The following BFAR variants were observed in gnomAD, a reference collection of about 807,000 sequenced individuals.
The protein encoded by BFAR is bifunctional apoptosis regulator.
A neutral mutation model predicts 54.4 loss-of-function variants in BFAR; 52 were observed. That is an observed-to-expected ratio of 0.96 (90% CI 0.77 to 1.21). BFAR has a LOEUF of 1.21. Ranked by LOEUF, BFAR falls within the 50% of genes most tolerant of loss-of-function variation. The pLI is 0.00. For synonymous variants in BFAR, 215 were observed against 204.3 expected (o/e 1.05, Z -0.45); for missense variants, 571 against 534.0 (o/e 1.07, Z -0.68).
chr16:14,644,974 A>G (rs910880480), intron 2 of BFAR, among the ~76,000 whole-genome samples: 8 of 152,156 alleles, frequency 5.3e-5, no homozygotes, highest in Non-Finnish European at 7.3e-5. Context: ...TTTATTATGA[A>G]TGAAGGAAAG....
intron 1 of BFAR, among the ~76,000 whole-genome samples, chr16:14,643,476 A>G (rs1319660066): frequency 6.6e-6 from 1 of 152,234 alleles, no homozygotes; most frequent in Admixed American, 6.5e-5. Context: ...TGAAAAGTAT[A>G]ACAAATAGGC....
intron 2 of BFAR, among the ~76,000 whole-genome samples, chr16:14,645,248 G>A (rs1596972695): frequency 6.6e-6 from 1 of 151,948 alleles, no homozygotes; most frequent in African/African-American, 2.4e-5. Flanking sequence ...CTGGGAGGTC[G>A]AGGCTGCAAT....
chr16:14,637,721 C>T (rs769531787), intron 1 of BFAR, among the ~76,000 whole-genome samples: 6 of 151,608 alleles, frequency 4.0e-5, no homozygotes, highest in Admixed American at 2.0e-4. Context: ...CCCAGCTACT[C>T]GGGAGGCTGA....
intron 1 of BFAR, among the ~76,000 whole-genome samples, chr16:14,642,047 G>A (rs1215340896): frequency 1.3e-5 from 2 of 152,110 alleles, no homozygotes; most frequent in Non-Finnish European, 2.9e-5. Context: ...CTGGTAAATG[G>A]CAGAGGTGGG....
chr16:14,657,596 G>A (rs1960165914), intron 5 of BFAR, among the ~76,000 whole-genome samples: 1 of 151,684 alleles, frequency 6.6e-6, no homozygotes, highest in Non-Finnish European at 1.5e-5. Context: ...AGACTGGAGT[G>A]CAGTGGTGCG....
intron 1 of BFAR, among the ~76,000 whole-genome samples, chr16:14,639,193 G>A (rs77004428): frequency 6.6e-6 from 1 of 152,094 alleles, no homozygotes; most frequent in African/African-American, 2.4e-5. Flanking sequence ...TGCCCAGGCT[G>A]GCAGGCTGGT....
chr16:14,654,957 A>C, intron 4 of BFAR, 109 bp from the exon 5 acceptor site: 1 of 1,175,754 alleles, frequency 8.5e-7, no homozygotes, highest in Non-Finnish European at 1.2e-6. Flanking sequence ...GAAATGTCTC[A>C]CCATACCTCA....
At chr16:14,638,477 A>G (rs1048412382) in intron 1 of BFAR, among the ~76,000 whole-genome samples, 1 of 152,254 alleles carries the variant, frequency 6.6e-6, no homozygotes, top group African/African-American at 2.4e-5. Flanking sequence ...TTAGCCATAT[A>G]CAATGGTCAT....
intron 5 of BFAR, among the ~76,000 whole-genome samples, chr16:14,661,481 A>C (rs1235121165): frequency 7.4e-6 from 1 of 134,304 alleles, no homozygotes; most frequent in Non-Finnish European, 1.5e-5. Flanking sequence ...GGCACACTGC[A>C]ACCTCCACCT....
At chr16:14,653,923 A>T (rs964073221) in intron 4 of BFAR, among the ~76,000 whole-genome samples, 1 of 150,550 alleles carries the variant, frequency 6.6e-6, no homozygotes, top group African/African-American at 2.4e-5. Flanking sequence ...CTGGTCTCAA[A>T]CTCCTGGGCT....
chr16:14,643,628 G>A (rs1049678475), intron 1 of BFAR, among the ~76,000 whole-genome samples: 8 of 152,130 alleles, frequency 5.3e-5, no homozygotes, highest in South Asian at 4.1e-4. Flanking sequence ...AAATTACCCG[G>A]GCATAGTAGT....
At chr16:14,635,560 C>T (rs1019531911) in intron 1 of BFAR, among the ~76,000 whole-genome samples, 1 of 152,110 alleles carries the variant, frequency 6.6e-6, no homozygotes, top group African/African-American at 2.4e-5. Context: ...CCAGGATAGC[C>T]TTCTCAGCCC....
At chr16:14,655,313 T>G in intron 5 of BFAR, 103 bp downstream of exon 5, 2 of 949,060 alleles carry the variant, frequency 2.1e-6, no homozygotes, top group Non-Finnish European at 2.8e-6. Context: ...ACAGTTTATG[T>G]ACTTATTTAT....
chr16:14,651,613 G>A (rs1219849856), intron 4 of BFAR, among the ~76,000 whole-genome samples: 2 of 152,104 alleles, frequency 1.3e-5, no homozygotes, highest in Non-Finnish European at 2.9e-5. Flanking sequence ...CCAAGTAGCT[G>A]GGACTGCAGG....
At chr16:14,657,006 G>A (rs561349177) in intron 5 of BFAR, among the ~76,000 whole-genome samples, 143 of 151,758 alleles carry the variant, frequency 9.4e-4, no homozygotes, top group African/African-American at 3.2e-3. Context: ...AGGAGGCTAC[G>A]GCAGGAGAAT....
In BFAR at chr16:14,644,424, G is replaced by A; in HGVS notation, c.78G>A (p.Gln26=). Reference sequence around the variant, plus strand: ...AACCTCTCAAAAGCACCGGCCCTCAGATTTCTGTTAGTGAATTTTCTTGCC... The same window carrying A: ...AACCTCTCAAAAGCACCGGCCCTCAAATTTCTGTTAGTGAATTTTCTTGCC... The part of the protein sequence containing the change: ...RDEPLKSTGP[Q]ISVSEFSCHC... Residue 26 remains glutamine, a synonymous_variant, in exon 2 of 8, where the codon CAG becomes CAA. Coordinates refer to ENST00000261658, the MANE Select transcript of BFAR (RefSeq NM_016561.3). 6.2e-7 allele frequency: 1 copy of A among 1,613,950 alleles called. No homozygotes were observed. The highest frequency in any genetic ancestry group is 1.3e-5 in the African/African-American group (1 of 74,986).
chr16:14,651,808 G>GA (rs1308505070), intron 4 of BFAR, among the ~76,000 whole-genome samples: 4 of 150,436 alleles, frequency 2.7e-5, no homozygotes, highest in Non-Finnish European at 1.5e-5. Context: ...CCCACAATCA[G>GA]AAAGGTAGGA....
In BFAR at chr16:14,651,123, G is replaced by GAT. The variant is rs141310168; in HGVS notation, c.638+1152_638+1153dup. On this transcript the variant is annotated intron_variant, in intron 4 of 7. Transcript: ENST00000261658. Reference sequence around the variant, plus strand: ...TCAGTTCCCACACTGTCTACCCAGAGATAGTGTGAGATCCCACAGGGTGAG... The same window carrying GAT: ...TCAGTTCCCACACTGTCTACCCAGAGATATAGTGTGAGATCCCACAGGGTGAG... Among the ~76,000 whole-genome samples the GAT allele has an allele frequency of 9.9e-5, 15 of 152,264 alleles. No individual in the cohort carries two copies. The East Asian group carries it at 2.9e-3, about 29-fold the overall frequency.
At chr16:14,665,108 G>C in intron 7 of BFAR, 37 bp downstream of exon 7, 1 of 1,537,062 alleles carries the variant, frequency 6.5e-7, no homozygotes, top group Non-Finnish European at 9.0e-7. Flanking sequence ...ACAGGGGATG[G>C]GAAAGAAATA....
Sources: allele counts gnomAD v4.1 joint callset (sites outside exome capture counted in the v4.1 genomes callset), GRCh38; gene constraint gnomAD v4.1.1; transcripts MANE v1.5; gene names NCBI Gene and HGNC (gene_info 2026-07-23, HGNC 2026-07-21).